The following PCDH15 variants were observed in gnomAD, a reference collection of about 807,000 sequenced individuals.
PCDH15 encodes protocadherin-15.
A neutral mutation model predicts 178.5 loss-of-function variants in PCDH15; 129 were observed. The observed-to-expected ratio is 0.72, with a 90% CI of 0.63 to 0.84. The LOEUF (loss-of-function observed/expected upper bound fraction) is 0.84, where lower values mean the gene tolerates loss of function less well. PCDH15 is among the 40% of genes least tolerant of loss of function. PCDH15 has a pLI of 0.00. For missense variants in PCDH15, 2,230 were observed against 2,099.9 expected (o/e 1.06, Z -1.21); for synonymous variants, 800 against 732.0 (o/e 1.09, Z -1.50).
At position 54,087,556 on chromosome 10, in the gene PCDH15, T is replaced by C. The variant is rs183842270; in HGVS notation, c.1997+2428A>G. On this transcript the variant is annotated intron_variant, in intron 16 of 37. Transcript: ENST00000644397. ...TTTTGTTTATTCCTTCCTCTGTAGATGGATATTTGACTTGTTTCCACTTTT... is the reference window on the plus strand; with the variant it reads ...TTTTGTTTATTCCTTCCTCTGTAGACGGATATTTGACTTGTTTCCACTTTT... Among the ~76,000 whole-genome samples the C allele has an allele frequency of 1.7e-3, 266 of 152,354 alleles. 1 individual carries two copies. Among genetic ancestry groups the C allele is most frequent in the Non-Finnish European group, 2.3e-3 (159 of 68,034 alleles).
At chr10:54,040,238 A>G (rs2093513313) in intron 18 of PCDH15, among the ~76,000 whole-genome samples, 2 of 151,958 alleles carry the variant, frequency 1.3e-5, no homozygotes, top group South Asian at 4.1e-4. Context: ...AGCTCCCCTA[A>G]TTCCCATGTG....
intron 3 of PCDH15, among the ~76,000 whole-genome samples, chr10:54,842,361 A>G (rs1354791066): frequency 6.6e-6 from 1 of 151,658 alleles, no homozygotes; most frequent in African/African-American, 2.4e-5. Context: ...CCCTCAAATC[A>G]TTTCCTCTGA....
chr10:55,463,991 G>GAGAA (rs1225302628), intron 2 of PCDH15, among the ~76,000 whole-genome samples: 739 of 21,032 alleles, frequency 0.035, 70 homozygotes, highest in Non-Finnish European at 0.042. Context: ...AAGAAAGAAA[G>GAGAA]AGAAAGAAAG....
chr10:55,577,199 C>A (rs979452611), intron 2 of PCDH15, among the ~76,000 whole-genome samples: 1 of 152,106 alleles, frequency 6.6e-6, no homozygotes, highest in Non-Finnish European at 1.5e-5. Flanking sequence ...GCCAAGATTG[C>A]ACCACTGCAC....
rs71461208 is a variant in PCDH15 at position 53,871,451 on chromosome 10, CGTGT to C, written c.3502-4598_3502-4595del. On this transcript the variant is annotated intron_variant, in intron 26 of 37. Coordinates refer to ENST00000644397, the MANE Select transcript of PCDH15 (RefSeq NM_001384140.1). ...TTTTAAAATTTTATATATATTCATA[CGTGT>C]GTGTGTGTGTGTGTGTGTGTGTGTG... Among the ~76,000 whole-genome samples, 778 of 146,892 alleles carry C rather than the reference CGTGT, an allele frequency of 5.3e-3. 8 individuals are homozygous for C. Among genetic ancestry groups the C allele is most frequent in the African/African-American group, 0.016 (653 of 39,850 alleles).
chr10:54,955,749 C>T (rs982508096), intron 2 of PCDH15, among the ~76,000 whole-genome samples: 1 of 151,240 alleles, frequency 6.6e-6, no homozygotes, highest in Admixed American at 6.6e-5. Flanking sequence ...TGAAACTACA[C>T]CTGTAACCTT....
In PCDH15 at chr10:54,548,342, T is replaced by A. The variant is rs1267139157; in HGVS notation, c.92-20465A>T. Among the ~76,000 whole-genome samples the A allele has an allele frequency of 2.0e-5, 3 of 148,434 alleles. No individual in the cohort carries two copies. The Admixed American group carries it at 2.0e-4, about 10-fold the overall frequency. ...GTTTTAGATTTTTGTCTTTCATATATGTCATCCATATATGTGAAATTATCT... is the reference window on the plus strand; with the variant it reads ...GTTTTAGATTTTTGTCTTTCATATAAGTCATCCATATATGTGAAATTATCT... On this transcript the variant is annotated intron_variant, in intron 2 of 37. Coordinates refer to ENST00000644397, the MANE Select transcript of PCDH15 (RefSeq NM_001384140.1).
intron 1 of PCDH15, among the ~76,000 whole-genome samples, chr10:55,280,598 T>G (rs144457783): frequency 6.6e-6 from 1 of 151,908 alleles, no homozygotes; most frequent in East Asian, 1.9e-4. Context: ...CTGTTGATTC[T>G]TTATAAGCTG....
intron 3 of PCDH15, among the ~76,000 whole-genome samples, chr10:54,521,655 T>C (rs1378775082): frequency 1.3e-5 from 2 of 152,214 alleles, no homozygotes; most frequent in African/African-American, 4.8e-5. Flanking sequence ...TACTTTCCAA[T>C]AGAAATCATC....
At chr10:55,062,992 T>A (rs1387787069) in intron 2 of PCDH15, among the ~76,000 whole-genome samples, 3 of 152,112 alleles carry the variant, frequency 2.0e-5, no homozygotes, top group Admixed American at 1.3e-4. Flanking sequence ...AACAACCCTA[T>A]GAAATACATA....
At chr10:54,257,504 C>G (rs747831397) in intron 8 of PCDH15, among the ~76,000 whole-genome samples, 1 of 141,562 alleles carries the variant, frequency 7.1e-6, no homozygotes, top group African/African-American at 2.6e-5. Context: ...GCTAAAAATA[C>G]TACCCTCCTT....
At chr10:54,992,675 A>C (rs773340599) in intron 2 of PCDH15, among the ~76,000 whole-genome samples, 22 of 151,834 alleles carry the variant, frequency 1.4e-4, no homozygotes, top group Non-Finnish European at 2.5e-4. Context: ...GAATGGCATG[A>C]ACCTGGAAGG....
chr10:55,080,565 A>T (rs1842014087), intron 2 of PCDH15, among the ~76,000 whole-genome samples: 1 of 152,056 alleles, frequency 6.6e-6, no homozygotes, highest in Non-Finnish European at 1.5e-5. Context: ...TGGGTAGTAC[A>T]TTATTTGGTC....
intron 37 of PCDH15, chr10:53,808,827 A>G (rs745982617): frequency 8.1e-6 from 13 of 1,610,720 alleles, no homozygotes; most frequent in African/African-American, 1.3e-5. Context: ...TGCTACTACT[A>G]CCTGATTCTG....
At chr10:53,921,157 C>T (rs1263517303) in intron 25 of PCDH15, among the ~76,000 whole-genome samples, 1 of 152,114 alleles carries the variant, frequency 6.6e-6, no homozygotes, top group African/African-American at 2.4e-5. Context: ...AATCTTCTCC[C>T]AAACTTCTGA....
intron 15 of PCDH15, among the ~76,000 whole-genome samples, chr10:54,127,048 A>C (rs566380165): frequency 6.6e-6 from 1 of 152,284 alleles, no homozygotes. Flanking sequence ...TGTTTTCACT[A>C]CCACTCATTT....
intron 2 of PCDH15, among the ~76,000 whole-genome samples, chr10:54,996,402 G>C (rs967064607): frequency 6.6e-6 from 1 of 152,304 alleles, no homozygotes; most frequent in Admixed American, 6.5e-5. Flanking sequence ...CCAATTCAGA[G>C]AGGAAAACAC....
intron 8 of PCDH15, among the ~76,000 whole-genome samples, chr10:54,301,654 A>G (rs913123460): frequency 2.0e-5 from 3 of 152,160 alleles, no homozygotes; most frequent in Non-Finnish European, 4.4e-5. Flanking sequence ...CCCACTGACC[A>G]GCCATTTGAT....
intron 15 of PCDH15, among the ~76,000 whole-genome samples, chr10:54,122,724 A>G (rs1421094316): frequency 6.6e-6 from 1 of 152,178 alleles, no homozygotes; most frequent in East Asian, 1.9e-4. Flanking sequence ...TCAATGAACA[A>G]AAATCTGTAG....
Sources: allele counts gnomAD v4.1 joint callset (sites outside exome capture counted in the v4.1 genomes callset), GRCh38; gene constraint gnomAD v4.1.1; transcripts MANE v1.5; gene names NCBI Gene and HGNC (gene_info 2026-07-23, HGNC 2026-07-21).